GRIPAP1: variants seen among roughly 807,000 people sequenced by gnomAD.
GRIPAP1 encodes GRIP1 associated protein 1, also known as GRIP1-associated protein 1.
In GRIPAP1, 14 loss-of-function variants were observed where a neutral mutation model predicts 84.1. The ratio of observed to expected loss-of-function variants is 0.17; its 90% CI spans 0.11 to 0.26. The LOEUF (loss-of-function observed/expected upper bound fraction) is 0.26, where lower values mean the gene tolerates loss of function less well. Ranked by LOEUF, GRIPAP1 falls within the 10% of genes least tolerant of loss-of-function variation. The pLI is 1.00. For missense variants in GRIPAP1, 518 were observed against 674.2 expected (o/e 0.77, Z 2.57); for synonymous variants, 261 against 256.8 (o/e 1.02, Z -0.15).
At chrX:48,998,973 T>G (rs1557067569) in intron 3 of GRIPAP1, 1 of 346,666 alleles carries the variant, frequency 2.9e-6, no homozygotes, top group African/African-American at 2.6e-5. Flanking sequence ...GATTTGAATA[T>G]TTAATTAAAA....
intron 13 of GRIPAP1, 110 bp from the exon 14 acceptor site, chrX:48,985,512 C>A: frequency 1.6e-6 from 1 of 607,192 alleles, no homozygotes. Context: ...GGGAAGAGAA[C>A]CAGGAAGAGA....
intron 21 of GRIPAP1, 123 bp downstream of exon 21, chrX:48,981,092 A>C (rs1271299168): frequency 1.3e-5 from 6 of 478,752 alleles, no homozygotes; most frequent in Non-Finnish European, 2.2e-5. Flanking sequence ...TAAAAGATGG[A>C]GTTCCAGAGC....
At chrX:48,990,601 C>G (rs1405888081) in intron 8 of GRIPAP1, 84 bp downstream of exon 8, 2 of 757,440 alleles carry the variant, frequency 2.6e-6, no homozygotes, top group Non-Finnish European at 4.0e-6. Flanking sequence ...GGGTACAATG[C>G]CCCTTCTGCC....
chrX:48,974,182 C>G lies in GRIPAP1; in HGVS notation c.*11G>C. 2 of 1,148,347 alleles carry G rather than the reference C, an allele frequency of 1.7e-6. No homozygotes were observed. Among genetic ancestry groups the G allele is most frequent in the Non-Finnish European group, 2.4e-6 (2 of 839,097 alleles). The allele number at this position is 1,148,347 out of a possible 1,213,427, so 94.6% of individuals were successfully genotyped here. On this transcript the variant is annotated 3_prime_UTR_variant, in exon 26 of 26. Coordinates refer to ENST00000376423, the MANE Select transcript of GRIPAP1 (RefSeq NM_020137.5). ...TAGGAAGGGGAGGAGGTGGGTGCAG[C>G]CTGCAGGTCTTTAGCTGGTTTCTCC... is the stretch of plus-strand genomic sequence containing the variant.
At chrX:48,979,349 T>C (rs1557061369) in intron 21 of GRIPAP1, among the ~76,000 whole-genome samples, 1 of 103,538 alleles carries the variant, frequency 9.7e-6, no homozygotes, top group African/African-American at 3.5e-5. Flanking sequence ...TGGTGGCGGG[T>C]GCCTGTAGTC....
At chrX:48,974,347 T>G in intron 25 of GRIPAP1, 62 bp from the exon 26 acceptor site, 2 of 701,211 alleles carry the variant, frequency 2.9e-6, no homozygotes, top group Non-Finnish European at 4.5e-6. Flanking sequence ...TTGCCAAACG[T>G]AGGGTATCAT....
At chrX:48,998,664 CT>C (rs782303470) in intron 3 of GRIPAP1, among the ~76,000 whole-genome samples, 1 of 112,531 alleles carries the variant, frequency 8.9e-6, no homozygotes, top group South Asian at 3.6e-4. Context: ...GTGCAGCTTC[CT>C]GACTGTCGGA....
intron 13 of GRIPAP1, among the ~76,000 whole-genome samples, chrX:48,986,976 G>GT (rs1360971758): frequency 9.3e-6 from 1 of 107,974 alleles, no homozygotes; most frequent in African/African-American, 3.4e-5. Flanking sequence ...AGCCTCCCGA[G>GT]TAGCTTGGAT....
chrX:49,000,042 G>C (rs2064568786), intron 1 of GRIPAP1, among the ~76,000 whole-genome samples: 1 of 110,212 alleles, frequency 9.1e-6, no homozygotes, highest in African/African-American at 3.3e-5. Context: ...CACCTCCAAG[G>C]CTCTCAAAAT....
chrX:48,975,926 G>A (rs1176031164), intron 24 of GRIPAP1, 92 bp downstream of exon 24: 5 of 726,953 alleles, frequency 6.9e-6, no homozygotes, highest in Admixed American at 2.5e-5. Flanking sequence ...GCTGAGTTCC[G>A]AGAGGAGAGG....
chrX:48,974,141 A>C lies in GRIPAP1; in HGVS notation c.*52T>G. 1 of 837,480 alleles carries C rather than the reference A, an allele frequency of 1.2e-6. No homozygotes were observed. The highest frequency in any genetic ancestry group is 1.8e-6 in the Non-Finnish European group (1 of 564,531). The allele number at this position is 837,480 out of a possible 1,213,427, so 69.0% of individuals were successfully genotyped here. ...CATTTTTCCACCACAGCCCAAGGGA[A>C]TAGCATCCTAGGGGGTAGGAAGGGG... is the stretch of plus-strand genomic sequence containing the variant. On this transcript the variant is annotated 3_prime_UTR_variant, in exon 26 of 26. Coordinates refer to ENST00000376423, the MANE Select transcript of GRIPAP1 (RefSeq NM_020137.5).
intron 21 of GRIPAP1, among the ~76,000 whole-genome samples, chrX:48,978,992 A>C (rs1224630740): frequency 1.8e-5 from 2 of 110,718 alleles, no homozygotes; most frequent in Non-Finnish European, 3.8e-5. Context: ...AGGTTGGAGA[A>C]AGAGAACGAC....
In GRIPAP1 at chrX:48,989,992, T is replaced by C; in HGVS notation, c.702A>G (p.Lys234=). Residue 234 remains lysine (K), a synonymous_variant, in exon 9 of 26, where the codon AAA becomes AAG. Transcript: ENST00000376423. ...TTTACCTTTCTTGTTTCTTTTTCAG[T>C]TTCTCGGAGAGCTGGGGAGAGAGGT... ...LQEELAKLSE[K]LKKKQESFCR... The C allele has an allele frequency of 8.4e-7, 1 of 1,196,224 alleles. No homozygotes were observed. Among genetic ancestry groups the C allele is most frequent in the Non-Finnish European group, 1.1e-6 (1 of 884,207 alleles).
In GRIPAP1 at chrX:48,981,849, C is replaced by G; in HGVS notation, c.1623G>C (p.Gln541His). 1 of 1,122,296 alleles carries G rather than the reference C, an allele frequency of 8.9e-7. No homozygotes were observed. The highest frequency in any genetic ancestry group is 1.2e-6 in the Non-Finnish European group (1 of 835,391). The allele number at this position is 1,122,296 out of a possible 1,213,427, so 92.5% of individuals were successfully genotyped here. Reference sequence around the variant, plus strand: ...ACTGCTTGAGGGCTTCCTCTTGTTCCTGCTGCTGCTGCTGCAGGGATTCCT... The same window carrying G: ...ACTGCTTGAGGGCTTCCTCTTGTTCGTGCTGCTGCTGCTGCAGGGATTCCT... ...EAEESLQQQQ[Q>H]EQEEALKQCR... is the part of the protein sequence containing the mutation. The change falls in exon 18 of 26, where the codon CAG (glutamine) becomes CAC (histidine). Residue 541 changes from glutamine to histidine, a missense_variant. Coordinates refer to ENST00000376423, the MANE Select transcript of GRIPAP1 (RefSeq NM_020137.5).
Position 48,989,635 on chromosome X carries a change from C to T in GRIPAP1, c.846G>A (p.Gln282=). The change falls in exon 11 of 26, where the codon CAG becomes CAA. Residue 282 remains glutamine (Q), a synonymous_variant. Transcript: ENST00000376423. ...CCTGATTGGCAGCCTCAAGTTCCTG[C>T]TGCAGCTTCTGGGTTCGAGCCAACT... ...KAQLARTQKL[Q]QELEAANQSL... is the part of the protein sequence containing the mutation. 1 of 1,201,095 alleles carries T rather than the reference C, an allele frequency of 8.3e-7. No homozygotes were observed. The highest frequency in any genetic ancestry group is 1.1e-6 in the Non-Finnish European group (1 of 885,936).
intron 22 of GRIPAP1, chrX:48,977,246 C>G (rs782108392): frequency 9.1e-6 from 1 of 110,244 alleles, no homozygotes; most frequent in East Asian, 2.9e-4. Flanking sequence ...GTAGAGACAA[C>G]AGTTGAATAA....
chrX:48,973,925 C>T lies in GRIPAP1; in HGVS notation c.*268G>A, dbSNP rs2064408686. ...AAGAGTTGGTCTCTGGGAAGGAGAG[C>T]TCATGCAGAGATGAAGACAGAAGCC... On this transcript the variant is annotated 3_prime_UTR_variant, in exon 26 of 26. Transcript: ENST00000376423. 1 of 272,304 alleles carries T rather than the reference C, an allele frequency of 3.7e-6. No individual in the cohort carries two copies. The highest frequency in any genetic ancestry group is 6.2e-5 in the Admixed American group (1 of 16,154). 22.4% of individuals were successfully genotyped at this position (272,304 alleles called of 1,213,427 possible). A position where few individuals can be genotyped will look rare whatever the true frequency, so the allele number is the denominator to read the frequency against.
At chrX:48,975,563 A>C (rs1247893576) in intron 24 of GRIPAP1, 14 of 369,731 alleles carry the variant, frequency 3.8e-5, no homozygotes, top group Non-Finnish European at 6.5e-5. Flanking sequence ...GAGCACACAG[A>C]AAGTCCTCAG....
chrX:49,001,914 C>T (rs782236141), intron 1 of GRIPAP1, among the ~76,000 whole-genome samples: 2 of 110,809 alleles, frequency 1.8e-5, no homozygotes, highest in African/African-American at 6.6e-5. Context: ...TGCACGGGCC[C>T]AAAAGTCTCG....
Sources: gnomAD v4.1 joint callset for allele counts (sites outside exome capture counted in the v4.1 genomes callset) on GRCh38, gnomAD v4.1.1 for gene constraint, MANE v1.5 for transcripts, NCBI Gene and HGNC (gene_info 2026-07-23, HGNC 2026-07-21) for gene names.